The following RBFOX1 variants were observed in gnomAD, a reference collection of about 807,000 sequenced individuals.
RBFOX1 encodes the protein RNA binding fox-1 homolog 1.
In RBFOX1, 8 loss-of-function variants were observed where a neutral mutation model predicts 57.7. The ratio of observed to expected loss-of-function variants is 0.14; its 90% CI spans 0.08 to 0.25. The LOEUF is 0.25. RBFOX1 is among the 10% of genes least tolerant of loss of function. The pLI is 1.00. For synonymous variants in RBFOX1, 326 were observed against 222.4 expected, an observed-to-expected ratio of 1.47 and a Z score of -4.15; for missense variants, 611 against 548.5, an observed-to-expected ratio of 1.11 and a Z score of -1.14.
At chr16:7,290,145 G>A (rs1426088931) in intron 4 of RBFOX1, among the ~76,000 whole-genome samples, 1 of 152,118 alleles carries the variant, frequency 6.6e-6, no homozygotes, top group Non-Finnish European at 1.5e-5. Flanking sequence ...CCATCTATAA[G>A]AGAGATAAAA....
chr16:5,462,742 C>G (rs1193331480), intron 1 of RBFOX1, among the ~76,000 whole-genome samples: 1 of 152,136 alleles, frequency 6.6e-6, no homozygotes, highest in African/African-American at 2.4e-5. Context: ...GGGCTCTGGA[C>G]TGTGGTCCCC....
intron 2 of RBFOX1, among the ~76,000 whole-genome samples, chr16:6,464,302 C>A (rs1449078695): frequency 6.6e-6 from 1 of 152,128 alleles, no homozygotes; most frequent in Non-Finnish European, 1.5e-5. Context: ...CTGGAATAAT[C>A]TTTGAAGAGC....
At chr16:5,971,769 C>T (rs1334697169) in intron 4 of RBFOX1, among the ~76,000 whole-genome samples, 1 of 152,160 alleles carries the variant, frequency 6.6e-6, no homozygotes, top group African/African-American at 2.4e-5. Flanking sequence ...TTTTATGTGT[C>T]AAGCTGACTA....
chr16:7,185,917 G>C (rs1051903563), intron 4 of RBFOX1, among the ~76,000 whole-genome samples: 3 of 152,056 alleles, frequency 2.0e-5, no homozygotes, highest in Admixed American at 6.6e-5. Context: ...AATTCCCACT[G>C]GTGACTCACT....
intron 3 of RBFOX1, among the ~76,000 whole-genome samples, chr16:6,687,629 C>T (rs965970058): frequency 1.3e-5 from 2 of 152,096 alleles, no homozygotes; most frequent in Non-Finnish European, 2.9e-5. Flanking sequence ...AGGTTCTCTT[C>T]CAAGGGGAAG....
chr16:5,311,678 T>C (rs1234630208), intron 1 of RBFOX1, among the ~76,000 whole-genome samples: 2 of 152,250 alleles, frequency 1.3e-5, no homozygotes, highest in African/African-American at 4.8e-5. Context: ...CTATGTTTGT[T>C]GGTCATTTGT....
chr16:5,986,980 A>G (rs2060298114), intron 4 of RBFOX1, among the ~76,000 whole-genome samples: 1 of 152,218 alleles, frequency 6.6e-6, no homozygotes, highest in Non-Finnish European at 1.5e-5. Flanking sequence ...GCGGTTTTAC[A>G]TTCCTAGTGG....
chr16:5,511,193 T>C (rs1318671646), intron 2 of RBFOX1, among the ~76,000 whole-genome samples: 1 of 152,224 alleles, frequency 6.6e-6, no homozygotes, highest in Non-Finnish European at 1.5e-5. Context: ...CTAGTGATTC[T>C]TGCCCCAAGA....
chr16:6,848,610 T>C (rs1170065707), intron 3 of RBFOX1, among the ~76,000 whole-genome samples: 2 of 151,376 alleles, frequency 1.3e-5, no homozygotes, highest in Non-Finnish European at 2.9e-5. Flanking sequence ...AGAAGATGTA[T>C]GTGTATGTGT....
chr16:5,972,932 C>G (rs1358921532), intron 4 of RBFOX1, among the ~76,000 whole-genome samples: 1 of 152,178 alleles, frequency 6.6e-6, no homozygotes, highest in Non-Finnish European at 1.5e-5. Context: ...CAGACAAAAA[C>G]AGGGCTTTTC....
intron 3 of RBFOX1, among the ~76,000 whole-genome samples, chr16:6,965,960 G>A (rs2084049581): frequency 6.6e-6 from 1 of 152,078 alleles, no homozygotes; most frequent in Non-Finnish European, 1.5e-5. Context: ...GGTTTTTAAT[G>A]GATTCACTTA....
At chr16:7,463,955 C>G (rs1381121965) in intron 4 of RBFOX1, among the ~76,000 whole-genome samples, 1 of 152,208 alleles carries the variant, frequency 6.6e-6, no homozygotes, top group Non-Finnish European at 1.5e-5. Flanking sequence ...ACATTGAATG[C>G]TTTGGTGTCT....
At chr16:7,429,106 T>A (rs1242463044) in intron 4 of RBFOX1, among the ~76,000 whole-genome samples, 1 of 152,130 alleles carries the variant, frequency 6.6e-6, no homozygotes, top group Non-Finnish European at 1.5e-5. Flanking sequence ...CCAGAGCTGG[T>A]GGGAAATCGA....
intron 2 of RBFOX1, among the ~76,000 whole-genome samples, chr16:5,570,813 C>G (rs1043041367): frequency 3.5e-5 from 5 of 141,576 alleles, no homozygotes; most frequent in Non-Finnish European, 6.0e-5. Context: ...GTACTCCAGT[C>G]TGGGCAACAG....
intron 3 of RBFOX1, among the ~76,000 whole-genome samples, chr16:5,747,831 G>C (rs189784665): frequency 6.0e-4 from 91 of 152,182 alleles, no homozygotes; most frequent in Admixed American, 1.0e-3. Flanking sequence ...ACCAGCTCCT[G>C]GATTCCTTGA....
chr16:5,830,822 A>T (rs2056239713), intron 3 of RBFOX1, among the ~76,000 whole-genome samples: 1 of 152,118 alleles, frequency 6.6e-6, no homozygotes, highest in African/African-American at 2.4e-5. Flanking sequence ...CAGGGTCTTC[A>T]GACTGTGTTC....
intron 4 of RBFOX1, among the ~76,000 whole-genome samples, chr16:7,497,641 C>T (rs1600046941): frequency 2.0e-5 from 3 of 152,152 alleles, no homozygotes; most frequent in Non-Finnish European, 4.4e-5. Context: ...ATAAAGGTAC[C>T]TCTAGTGCAT....
chr16:6,834,781 C>G (rs546299678), intron 3 of RBFOX1, among the ~76,000 whole-genome samples: 2 of 152,142 alleles, frequency 1.3e-5, no homozygotes, highest in East Asian at 1.9e-4. Context: ...AACTGTGGCT[C>G]TCAGAGTCAT....
intron 13 of RBFOX1, among the ~76,000 whole-genome samples, chr16:7,668,500 T>C (rs2070200839): frequency 6.6e-6 from 1 of 152,100 alleles, no homozygotes; most frequent in Non-Finnish European, 1.5e-5. Flanking sequence ...TCAATCCTAT[T>C]CAGGAGCTGA....
Sources: gnomAD v4.1 joint callset for allele counts (sites outside exome capture counted in the v4.1 genomes callset) on GRCh38, gnomAD v4.1.1 for gene constraint, MANE v1.5 for transcripts, NCBI Gene and HGNC (gene_info 2026-07-23, HGNC 2026-07-21) for gene names.